The following GAB2 variants were observed in gnomAD, a reference collection of about 807,000 sequenced individuals.
The protein encoded by GAB2 is GRB2-associated-binding protein 2.
A neutral mutation model predicts 65.5 loss-of-function variants in GAB2; 26 were observed. The ratio of observed to expected loss-of-function variants is 0.40; its 90% CI spans 0.29 to 0.55. The LOEUF is 0.55. GAB2 is among the 20% of genes least tolerant of loss of function. GAB2 has a pLI of 0.53. For missense variants in GAB2, 884 were observed against 875.8 expected, an observed-to-expected ratio of 1.01 and a Z score of -0.12; for synonymous variants, 321 against 329.6, an observed-to-expected ratio of 0.97 and a Z score of 0.28.
intron 1 of GAB2, among the ~76,000 whole-genome samples, chr11:78,401,716 A>G (rs1184526038): frequency 1.3e-5 from 2 of 152,190 alleles, no homozygotes; most frequent in African/African-American, 4.8e-5. Flanking sequence ...ATGTGTGTAT[A>G]TATGAACACA....
intron 1 of GAB2, 151 bp downstream of exon 1, chr11:78,417,495 G>T: frequency 4.0e-6 from 1 of 246,996 alleles, no homozygotes; most frequent in Non-Finnish European, 7.1e-6. Context: ...GTGTGCAGGT[G>T]CCCCACACGC....
rs1269023629 is a variant in GAB2 at position 78,216,208 on chromosome 11, C to A, written c.*3064G>T. On this transcript the variant is annotated 3_prime_UTR_variant, in exon 10 of 10. Transcript: ENST00000361507. Reference sequence around the variant, plus strand: ...GAGACACCATCTCCCTATTTCTCATCGTTCTCACTTGACTTAACCTTGCAG... The same window carrying A: ...GAGACACCATCTCCCTATTTCTCATAGTTCTCACTTGACTTAACCTTGCAG... 6.6e-6 allele frequency: 1 copy of A among 152,548 alleles called. No homozygotes were observed. Among genetic ancestry groups the A allele is most frequent in the East Asian group, 1.9e-4 (1 of 5,188 alleles). 9.4% of individuals were successfully genotyped at this position (152,548 alleles called of 1,614,324 possible).
intron 2 of GAB2, among the ~76,000 whole-genome samples, chr11:78,274,981 G>C (rs987256808): frequency 2.0e-5 from 3 of 152,198 alleles, no homozygotes; most frequent in Non-Finnish European, 4.4e-5. Context: ...TGTTTCAAAG[G>C]ATTACTGTGA....
Position 78,223,480 on chromosome 11 carries a change from C to T in GAB2, c.1499G>A (p.Arg500Gln), listed in dbSNP as rs370982595. ...GYPSTTLPVHRGPSRGSEIQP... is the reference protein window; with the variant it reads ...GYPSTTLPVHQGPSRGSEIQP... ...AATCTCACTTCCTCTGCTGGGGCCT[C>T]GGTGCACAGGAAGGGTTGTTGATGG... Residue 500 changes from arginine (R) to glutamine (Q), a missense_variant, in exon 6 of 10, where the codon CGA becomes CAA. Arg to Gln is a conservative substitution (Grantham distance 43, BLOSUM62 1). Transcript: ENST00000361507. The T allele has an allele frequency of 7.4e-5, 118 of 1,602,416 alleles. No individual in the cohort carries two copies. The highest frequency in any genetic ancestry group is 1.7e-4 in the Middle Eastern group (1 of 6,026).
At chr11:78,250,877 C>T (rs978463183) in intron 2 of GAB2, among the ~76,000 whole-genome samples, 2 of 152,130 alleles carry the variant, frequency 1.3e-5, no homozygotes, top group Non-Finnish European at 2.9e-5. Context: ...CTAATGTTCT[C>T]ACTTATAAGT....
chr11:78,403,445 A>G (rs897067148), intron 1 of GAB2, among the ~76,000 whole-genome samples: 6 of 152,236 alleles, frequency 3.9e-5, no homozygotes, highest in African/African-American at 1.4e-4. Flanking sequence ...AAAGTAGGAC[A>G]GAAGTCACCT....
chr11:78,233,660 GC>G (rs1864908358), intron 3 of GAB2, among the ~76,000 whole-genome samples: 1 of 152,088 alleles, frequency 6.6e-6, no homozygotes, highest in Admixed American at 6.5e-5. Flanking sequence ...AAGCTAGAGT[GC>G]AGTGGTGCCA....
rs1464455705 is a variant in GAB2, at chr11:78,219,431, G to A, written c.1888-16C>T. The A allele has an allele frequency of 1.2e-6, 2 of 1,612,848 alleles. No individual in the cohort carries two copies. The highest frequency in any genetic ancestry group is 1.7e-6 in the Non-Finnish European group (2 of 1,179,094). ...AAGTAGATGGCTGAGGGGACAGAGT[G>A]GGAAAGAGGGAGTAGCTGTGAGTTA... On this transcript the variant is annotated splice_polypyrimidine_tract_variant and intron_variant, in intron 9 of 9. Transcript: ENST00000361507.
Position 78,222,106 on chromosome 11 carries a change from T to C in GAB2, c.1657A>G (p.Asn553Asp). ...CCACCCCCACACATACGCACTTACT[T>C]GGCCCTAGACCAAGACTTGGTGATA... The part of the protein sequence containing the change: ...SPITKSWSRA[N>D]HTFNSSSSQY... The change falls in exon 7 of 10, where the codon AAC (asparagine) becomes GAC (aspartate). Residue 553 changes from asparagine to aspartate, a missense_variant and splice_region_variant. By Grantham distance (23) the Asn-to-Asp change is conservative. Transcript: ENST00000361507. The C allele has an allele frequency of 1.2e-6, 2 of 1,604,346 alleles. No individual in the cohort carries two copies. Among genetic ancestry groups the C allele is most frequent in the South Asian group, 1.1e-5 (1 of 90,884 alleles).
intron 2 of GAB2, among the ~76,000 whole-genome samples, chr11:78,272,422 A>C (rs1207975834): frequency 6.6e-6 from 1 of 152,232 alleles, no homozygotes; most frequent in Admixed American, 6.5e-5. Context: ...AAACTGGAGC[A>C]AAGGTGACTC....
chr11:78,263,065 A>C (rs1865775850), intron 2 of GAB2, among the ~76,000 whole-genome samples: 1 of 152,232 alleles, frequency 6.6e-6, no homozygotes, highest in Admixed American at 6.5e-5. Context: ...GCTGACCCTT[A>C]GACTAAAAGT....
chr11:78,242,026 G>A (rs1389081554), intron 3 of GAB2, among the ~76,000 whole-genome samples: 1 of 152,166 alleles, frequency 6.6e-6, no homozygotes, highest in Non-Finnish European at 1.5e-5. Context: ...ACATTCTATA[G>A]GACAGACCTC....
At chr11:78,257,257 G>T (rs1483377099) in intron 2 of GAB2, among the ~76,000 whole-genome samples, 1 of 152,148 alleles carries the variant, frequency 6.6e-6, no homozygotes, top group Non-Finnish European at 1.5e-5. Context: ...TGGAAAAGAT[G>T]ACTGGCCAAA....
intron 3 of GAB2, among the ~76,000 whole-genome samples, chr11:78,247,708 T>A (rs1476554852): frequency 6.6e-6 from 1 of 152,208 alleles, no homozygotes; most frequent in Admixed American, 6.5e-5. Flanking sequence ...AGTTATTTTT[T>A]AATATTTTGT....
At chr11:78,320,343 A>G (rs1855698908) in intron 1 of GAB2, among the ~76,000 whole-genome samples, 1 of 152,160 alleles carries the variant, frequency 6.6e-6, no homozygotes, top group African/African-American at 2.4e-5. Context: ...GCTAAGAAAC[A>G]GGTAATTATG....
In GAB2 at chr11:78,217,296, C is replaced by G. The variant is rs114374720; in HGVS notation, c.*1976G>C. 1 of 152,240 alleles carries G rather than the reference C, an allele frequency of 6.6e-6. No individual in the cohort carries two copies. Among genetic ancestry groups the G allele is most frequent in the African/African-American group, 2.4e-5 (1 of 41,420 alleles). 9.4% of individuals were successfully genotyped at this position (152,240 alleles called of 1,614,324 possible). On this transcript the variant is annotated 3_prime_UTR_variant, in exon 10 of 10. Coordinates refer to ENST00000361507, the MANE Select transcript of GAB2 (RefSeq NM_080491.3). ...GTTCAGGGAGAAGGTCTGATTGATTCTTGTGTCCTTAGTGCTTAACCCCAG... is the reference window on the plus strand; with the variant it reads ...GTTCAGGGAGAAGGTCTGATTGATTGTTGTGTCCTTAGTGCTTAACCCCAG...
chr11:78,222,037 G>T, intron 7 of GAB2, 68 bp downstream of exon 7: 1 of 1,013,562 alleles, frequency 9.9e-7, no homozygotes, highest in Non-Finnish European at 1.6e-6. Context: ...CCACAGGCCA[G>T]CTACCACATC....
chr11:78,385,996 G>A (rs1273131310), intron 1 of GAB2, among the ~76,000 whole-genome samples: 2 of 152,136 alleles, frequency 1.3e-5, no homozygotes, highest in East Asian at 1.9e-4. Flanking sequence ...CTATACGTAT[G>A]TATCTGGTTA....
intron 1 of GAB2, among the ~76,000 whole-genome samples, chr11:78,328,627 G>A (rs1412162111): frequency 1.3e-5 from 2 of 152,170 alleles, no homozygotes; most frequent in East Asian, 1.9e-4. Flanking sequence ...CAACAACATG[G>A]ATGGATCTCA....
Sources: gnomAD v4.1 joint callset for allele counts (sites outside exome capture counted in the v4.1 genomes callset) on GRCh38, gnomAD v4.1.1 for gene constraint, MANE v1.5 for transcripts, NCBI Gene and HGNC (gene_info 2026-07-23, HGNC 2026-07-21) for gene names.